GPC5: variants seen among roughly 807,000 people sequenced by gnomAD.
GPC5 encodes the protein glypican 5.
GPC5 carries 47 observed loss-of-function variants against 53.9 expected under a neutral mutation model. The observed-to-expected ratio is 0.87, with a 90% CI of 0.69 to 1.11. GPC5 has a LOEUF of 1.11. Ranked by LOEUF, GPC5 falls within the 50% of genes most tolerant of loss-of-function variation. The pLI is 0.00. For synonymous variants in GPC5, 286 were observed against 263.3 expected (o/e 1.09, Z -0.84); for missense variants, 748 against 713.1 (o/e 1.05, Z -0.56).
At chr13:91,873,227 T>G (rs2039166594) in intron 5 of GPC5, among the ~76,000 whole-genome samples, 1 of 152,340 alleles carries the variant, frequency 6.6e-6, no homozygotes. Flanking sequence ...TTCTTTTAAG[T>G]GTTTCTGGGA....
intron 7 of GPC5, among the ~76,000 whole-genome samples, chr13:92,390,409 T>C (rs1874940007): frequency 6.6e-6 from 1 of 152,090 alleles, no homozygotes; most frequent in Non-Finnish European, 1.5e-5. Flanking sequence ...TTCAAAAACA[T>C]AAGCTGATTT....
rs386380215 is a variant in GPC5, at chr13:92,119,390, G to GTTTTTTTTT, written c.1402-25423_1402-25415dup. On this transcript the variant is annotated intron_variant, in intron 6 of 7. Transcript: ENST00000377067. ...TATATACATTCACATTAGGATTTTA[G>GTTTTTTTTT]TTTTTTTTTTTTTTTTTTTTTTTTT... Among the ~76,000 whole-genome samples, 56 of 65,682 alleles carry GTTTTTTTTT rather than the reference G, an allele frequency of 8.5e-4. 1 individual carries two copies. The highest frequency in any genetic ancestry group is 9.3e-4 in the Non-Finnish European group (36 of 38,526). The allele number at this position is 65,682 out of a possible 152,430, so 43.1% of individuals were successfully genotyped here. A position where few individuals can be genotyped will look rare whatever the true frequency, so the allele number is the denominator to read the frequency against.
intron 7 of GPC5, among the ~76,000 whole-genome samples, chr13:92,282,807 A>T (rs536879393): frequency 6.6e-6 from 1 of 152,242 alleles, no homozygotes; most frequent in Non-Finnish European, 1.5e-5. Context: ...TGTAAAGACC[A>T]TCGATGCTAG....
In GPC5 at chr13:92,565,225, A is replaced by G. The variant is rs544307097; in HGVS notation, c.1562-301057A>G. Among the ~76,000 whole-genome samples, 13 of 152,282 alleles carry G rather than the reference A, an allele frequency of 8.5e-5. No individual in the cohort carries two copies. In the East Asian group the frequency reaches 1.4e-3, roughly 16 times the overall value. On this transcript the variant is annotated intron_variant, in intron 7 of 7. Transcript: ENST00000377067. Reference sequence around the variant, plus strand: ...TTTGAAGAAATCAACACATTTTTACATAAGTTTTCCAAAATGGGTTATATA... The same window carrying G: ...TTTGAAGAAATCAACACATTTTTACGTAAGTTTTCCAAAATGGGTTATATA...
Position 91,817,030 on chromosome 13 carries a change from T to C in GPC5, c.1280+60610T>C, listed in dbSNP as rs1220922436. ...AAAAAATGTTTGTTCTGGAAGTCTATTATTACAGCTTAGGAAGTAATTTAA... is the reference window on the plus strand; with the variant it reads ...AAAAAATGTTTGTTCTGGAAGTCTACTATTACAGCTTAGGAAGTAATTTAA... On this transcript the variant is annotated intron_variant, in intron 5 of 7. Transcript: ENST00000377067. 4.6e-5 allele frequency among the ~76,000 whole-genome samples: 7 copies of C among 152,332 alleles called. No homozygotes were observed. In the East Asian group the frequency reaches 7.7e-4, roughly 17 times the overall value.
chr13:91,428,735 T>G (rs1300870950), intron 1 of GPC5, among the ~76,000 whole-genome samples: 2 of 149,466 alleles, frequency 1.3e-5, no homozygotes, highest in African/African-American at 4.9e-5. Context: ...TGAAAGGAAT[T>G]TTTTTTTTTG....
chr13:91,979,011 C>G (rs1780313470), intron 6 of GPC5, among the ~76,000 whole-genome samples: 1 of 152,088 alleles, frequency 6.6e-6, no homozygotes, highest in Non-Finnish European at 1.5e-5. Flanking sequence ...GAGCTATTGT[C>G]TGGATGGTTT....
chr13:91,500,279 A>C (rs1319571711), intron 2 of GPC5, among the ~76,000 whole-genome samples: 1 of 152,186 alleles, frequency 6.6e-6, no homozygotes, highest in African/African-American at 2.4e-5. Context: ...GCATTTAGTC[A>C]ATTGATATTT....
chr13:91,446,662 TG>T (rs1445853268), intron 1 of GPC5, among the ~76,000 whole-genome samples: 1 of 152,156 alleles, frequency 6.6e-6, no homozygotes, highest in African/African-American at 2.4e-5. Flanking sequence ...TTATGCCCTT[TG>T]TGCTGATACT....
chr13:92,822,875 C>T (rs1283460052), intron 7 of GPC5, among the ~76,000 whole-genome samples: 1 of 151,804 alleles, frequency 6.6e-6, no homozygotes, highest in East Asian at 1.9e-4. Flanking sequence ...GGAAACTGTT[C>T]AGCAGATAGT....
intron 4 of GPC5, among the ~76,000 whole-genome samples, chr13:91,755,082 T>A (rs1408792144): frequency 6.6e-6 from 1 of 151,996 alleles, no homozygotes; most frequent in Admixed American, 6.6e-5. Context: ...AACCGATAGG[T>A]TTGTGTCCAG....
chr13:92,507,548 A>G (rs962130020), intron 7 of GPC5, among the ~76,000 whole-genome samples: 15 of 152,176 alleles, frequency 9.9e-5, no homozygotes, highest in African/African-American at 3.6e-4. Context: ...AGAGTGTGCA[A>G]TTGTTTTCAT....
chr13:92,405,001 C>T lies in GPC5; in HGVS notation c.1561+260012C>T, dbSNP rs1479321560. ...GATCTTGCCATAGGCAAATTAAATT[C>T]CTATGGCATATTTCTGGTTACAAAA... On this transcript the variant is annotated intron_variant, in intron 7 of 7. Coordinates refer to ENST00000377067, the MANE Select transcript of GPC5 (RefSeq NM_004466.6). 1.3e-5 allele frequency among the ~76,000 whole-genome samples: 2 copies of T among 150,238 alleles called. 1 individual carries two copies. Among genetic ancestry groups the T allele is most frequent in the African/African-American group, 4.9e-5 (2 of 40,630 alleles).
intron 7 of GPC5, among the ~76,000 whole-genome samples, chr13:92,759,572 C>T (rs1211086278): frequency 6.6e-6 from 1 of 152,002 alleles, no homozygotes; most frequent in Non-Finnish European, 1.5e-5. Context: ...TTATGTCCTG[C>T]AATTTCACTG....
At chr13:92,717,985 T>A (rs1400069208) in intron 7 of GPC5, among the ~76,000 whole-genome samples, 1 of 151,830 alleles carries the variant, frequency 6.6e-6, no homozygotes, top group Non-Finnish European at 1.5e-5. Flanking sequence ...AAATGCAAAT[T>A]AAAACTACAA....
intron 1 of GPC5, among the ~76,000 whole-genome samples, chr13:91,442,163 C>A (rs1265720925): frequency 6.6e-6 from 1 of 152,148 alleles, no homozygotes; most frequent in African/African-American, 2.4e-5. Context: ...AATTTGAACA[C>A]CCTTGTAACT....
intron 2 of GPC5, among the ~76,000 whole-genome samples, chr13:91,498,218 T>C (rs1467904331): frequency 6.7e-6 from 1 of 149,868 alleles, no homozygotes; most frequent in Non-Finnish European, 1.5e-5. Flanking sequence ...ATATTGTCTT[T>C]TCAGAAATCT....
At chr13:91,857,534 T>G (rs528125126) in intron 5 of GPC5, among the ~76,000 whole-genome samples, 53 of 151,390 alleles carry the variant, frequency 3.5e-4, no homozygotes, top group Non-Finnish European at 6.7e-4. Flanking sequence ...CTTATGATTT[T>G]ATACACAAAT....
intron 7 of GPC5, among the ~76,000 whole-genome samples, chr13:92,744,232 GAA>G (rs34030114): frequency 6.7e-6 from 1 of 149,464 alleles, no homozygotes; most frequent in Non-Finnish European, 1.5e-5. Context: ...TTCTGGTTTG[GAA>G]AAAAAAAATA....
Sources: allele counts gnomAD v4.1 joint callset (sites outside exome capture counted in the v4.1 genomes callset), GRCh38; gene constraint gnomAD v4.1.1; transcripts MANE v1.5; gene names NCBI Gene and HGNC (gene_info 2026-07-23, HGNC 2026-07-21).